Variants in LMBRD1 observed in about 807,000 individuals in gnomAD.
The protein encoded by LMBRD1 is lysosomal cobalamin transport escort protein LMBD1.
In LMBRD1, 64 loss-of-function variants were observed where a neutral mutation model predicts 74.8. The observed-to-expected ratio is 0.86, with a 90% CI of 0.70 to 1.05. The LOEUF is 1.05. LMBRD1 is among the 50% of genes least tolerant of loss of function. The probability of loss-of-function intolerance (pLI) is 0.00; values close to 1 mark genes in which losing one functional copy is unlikely to be tolerated. For synonymous variants in LMBRD1, 204 were observed against 216.3 expected (o/e 0.94, Z 0.50); for missense variants, 652 against 645.9 (o/e 1.01, Z -0.10).
chr6:69,731,605 G>A (rs537096191), intron 7 of LMBRD1, among the ~76,000 whole-genome samples: 1 of 152,114 alleles, frequency 6.6e-6, no homozygotes, highest in East Asian at 1.9e-4. Context: ...TGTAAAATAG[G>A]CTTGGTGTTA....
At chr6:69,764,721 T>A (rs1765443927) in intron 3 of LMBRD1, among the ~76,000 whole-genome samples, 1 of 152,186 alleles carries the variant, frequency 6.6e-6, no homozygotes, top group Non-Finnish European at 1.5e-5. Flanking sequence ...AAGCCCTTTA[T>A]GATTTATACA....
chr6:69,759,923 C>A (rs939814294), intron 3 of LMBRD1, among the ~76,000 whole-genome samples: 1 of 152,058 alleles, frequency 6.6e-6, no homozygotes, highest in Non-Finnish European at 1.5e-5. Context: ...ATTTCATTTA[C>A]AAATAAGTGA....
chr6:69,706,177 C>T (rs1353280579), intron 9 of LMBRD1: 1 of 480,062 alleles, frequency 2.1e-6, no homozygotes, highest in Non-Finnish European at 3.9e-6. Context: ...GCAGCACACA[C>T]TTAGGTGGGA....
chr6:69,774,324 C>A (rs1765641054), intron 3 of LMBRD1, among the ~76,000 whole-genome samples: 1 of 152,200 alleles, frequency 6.6e-6, no homozygotes. Flanking sequence ...CATTAAACCT[C>A]TTTTTCTTTA....
In LMBRD1 at chr6:69,690,061, A is replaced by AT. The variant is rs11365730; in HGVS notation, c.1417+7501dup. ...GAGGGTTTCATTCACTCATTCATTC[A>AT]TTTTTTTTTTTTTTAAACTAGTTCT... On this transcript the variant is annotated intron_variant, in intron 14 of 15. Transcript: ENST00000649934. Among the ~76,000 whole-genome samples the AT allele has an allele frequency of 7.9e-3, 1,166 of 147,920 alleles. 22 individuals carry two copies. Among genetic ancestry groups the AT allele is most frequent in the East Asian group, 0.078 (395 of 5,064 alleles).
chr6:69,708,652 C>CA (rs3070239), intron 9 of LMBRD1, among the ~76,000 whole-genome samples: 3,114 of 146,862 alleles, frequency 0.021, 85 homozygotes, highest in African/African-American at 0.064. Context: ...TTCATGGGAA[C>CA]AAAAAAAAAA....
chr6:69,746,674 T>C (rs1379536465), intron 5 of LMBRD1: 1 of 152,488 alleles, frequency 6.6e-6, no homozygotes, highest in East Asian at 1.9e-4. Flanking sequence ...TGGACTACAC[T>C]GAGCAACAGG....
chr6:69,796,972 C>T lies in LMBRD1; in HGVS notation c.-91G>A, dbSNP rs577846819. ...GAGCGCGAGATATACTGCACCCGCG[C>T]ACCCTAAAGGTTAAAGGGGCGGAGG... is the stretch of plus-strand genomic sequence containing the variant. On this transcript the variant is annotated 5_prime_UTR_variant, in exon 1 of 16. Transcript: ENST00000649934. 1.1e-4 allele frequency: 125 copies of T among 1,128,790 alleles called. No homozygotes were observed. The highest frequency in any genetic ancestry group is 1.5e-4 in the Non-Finnish European group (116 of 763,580). The allele number at this position is 1,128,790 out of a possible 1,614,324, so 69.9% of individuals were successfully genotyped here.
chr6:69,734,125 A>C (rs1433933348), intron 7 of LMBRD1, among the ~76,000 whole-genome samples: 2 of 152,042 alleles, frequency 1.3e-5, no homozygotes, highest in Non-Finnish European at 2.9e-5. Context: ...TATGCTGCTT[A>C]AAGAAAACCA....
At chr6:69,748,019 C>G (rs1417623809) in intron 5 of LMBRD1, among the ~76,000 whole-genome samples, 3 of 152,162 alleles carry the variant, frequency 2.0e-5, no homozygotes, top group Non-Finnish European at 4.4e-5. Context: ...TTTTCTTATT[C>G]TCACTGTTGC....
At chr6:69,692,275 TCTCTCTCTCTCTC>T (rs1765902254) in intron 14 of LMBRD1, among the ~76,000 whole-genome samples, 1 of 62,382 alleles carries the variant, frequency 1.6e-5, no homozygotes, top group Non-Finnish European at 4.2e-5. Context: ...TAAGGTGCGC[TCTCTCTCTCTCTC>T]GCTCTCTCTC....
chr6:69,674,303 C>T lies in LMBRD1; in HGVS notation c.*1855G>A, dbSNP rs1379454. ...CATAAAGTATTATTCTATGAAGTAC[C>T]AGGGGACAAGATTTCAACATATGAA... On this transcript the variant is annotated 3_prime_UTR_variant, in exon 16 of 16. Transcript: ENST00000649934. Among the ~76,000 whole-genome samples, 16,914 of 152,102 alleles carry T rather than the reference C, an allele frequency of 0.11. 2,630 individuals carry two copies. Among genetic ancestry groups the T allele is most frequent in the African/African-American group, 0.35 (14,385 of 41,418 alleles).
rs1765504321 is a variant in LMBRD1, at chr6:69,674,362, A to T, written c.*1796T>A. On this transcript the variant is annotated 3_prime_UTR_variant, in exon 16 of 16. Transcript: ENST00000649934. ...GGACACAATTCAGCCTATAACATAG[A>T]AAGTGGAGAAGAAGGGACAAATGGA... 6.6e-6 allele frequency among the ~76,000 whole-genome samples: 1 copy of T among 152,230 alleles called. No homozygotes were observed. The highest frequency in any genetic ancestry group is 2.1e-4 in the South Asian group (1 of 4,832).
intron 15 of LMBRD1, 60 bp downstream of exon 15, chr6:69,676,390 A>T: frequency 6.3e-7 from 1 of 1,577,588 alleles, no homozygotes. Flanking sequence ...AAAAGAGTTT[A>T]CACATTTAAC....
intron 7 of LMBRD1, among the ~76,000 whole-genome samples, chr6:69,731,061 T>C (rs1766844675): frequency 6.6e-6 from 1 of 152,098 alleles, no homozygotes; most frequent in Non-Finnish European, 1.5e-5. Flanking sequence ...CTTCTGTGTA[T>C]GAGCGAAAAC....
intron 3 of LMBRD1, among the ~76,000 whole-genome samples, chr6:69,752,575 A>G (rs553348842): frequency 6.6e-6 from 1 of 152,336 alleles, no homozygotes; most frequent in Admixed American, 6.5e-5. Context: ...CCATAATTCA[A>G]GTTAACTTTA....
At chr6:69,749,257 A>AT in intron 5 of LMBRD1, 84 bp downstream of exon 5, 1 of 1,102,214 alleles carries the variant, frequency 9.1e-7, no homozygotes, top group Non-Finnish European at 1.3e-6. Flanking sequence ...TCTTTCCTAG[A>AT]TTTTTCTGAA....
intron 1 of LMBRD1, 40 bp downstream of exon 1, chr6:69,796,773 C>T (rs758888782): frequency 1.9e-6 from 3 of 1,597,042 alleles, no homozygotes; most frequent in African/African-American, 1.3e-5. Flanking sequence ...CCTTCCTCCC[C>T]CAGTCCAAAC....
intron 3 of LMBRD1, 131 bp from the exon 4 acceptor site, chr6:69,752,487 T>G: frequency 1.3e-6 from 1 of 741,136 alleles, no homozygotes; most frequent in Non-Finnish European, 2.3e-6. Flanking sequence ...CATAACTCTT[T>G]CTATATAGTA....
Sources: gnomAD v4.1 joint callset for allele counts (sites outside exome capture counted in the v4.1 genomes callset) on GRCh38, gnomAD v4.1.1 for gene constraint, MANE v1.5 for transcripts, NCBI Gene and HGNC (gene_info 2026-07-23, HGNC 2026-07-21) for gene names.